The following PUDP variants were observed in gnomAD, a reference collection of about 807,000 sequenced individuals.
PUDP encodes pseudouridine 5'-phosphatase, also known as pseudouridine-5'-phosphatase.
A neutral mutation model predicts 9.4 loss-of-function variants in PUDP; 8 were observed. The observed-to-expected ratio is 0.85, with a 90% CI of 0.50 to 1.53. The LOEUF (loss-of-function observed/expected upper bound fraction) is 1.53. Ranked by LOEUF, PUDP falls within the 40% of genes most tolerant of loss-of-function variation. PUDP has a pLI of 0.00. For synonymous variants in PUDP, 99 were observed against 80.7 expected (o/e 1.23, Z -1.22); for missense variants, 188 against 189.7 (o/e 0.99, Z 0.05).
At chrX:6,706,887 TA>T (rs1231068393) in intron 1 of PUDP, among the ~76,000 whole-genome samples, 2 of 111,293 alleles carry the variant, frequency 1.8e-5, no homozygotes, top group Non-Finnish European at 3.8e-5. Context: ...TTACAGCCCC[TA>T]AAAAGTCCAA....
At chrX:7,075,235 G>A (rs1411117728) in intron 3 of PUDP, among the ~76,000 whole-genome samples, 1 of 112,305 alleles carries the variant, frequency 8.9e-6, no homozygotes, top group Non-Finnish European at 1.9e-5. Context: ...GTCTGGGCAC[G>A]GTGGCTCACG....
chrX:7,128,911 T>A (rs1932550599), intron 1 of PUDP, among the ~76,000 whole-genome samples: 1 of 111,710 alleles, frequency 9.0e-6, no homozygotes, highest in Non-Finnish European at 1.9e-5. Flanking sequence ...GAATTCGTAT[T>A]TTTTATATGA....
At chrX:7,014,919 C>T (rs1929526696) in intron 1 of PUDP, among the ~76,000 whole-genome samples, 1 of 111,799 alleles carries the variant, frequency 8.9e-6, no homozygotes, top group Admixed American at 9.4e-5. Context: ...ACTAACATCA[C>T]TTTTTAATAG....
rs1931860442 is a variant in PUDP at position 7,105,715 on chromosome X, A to G, written c.185T>C (p.Ile62Thr). 8.3e-7 allele frequency: 1 copy of G among 1,209,483 alleles called. No homozygotes were observed. The highest frequency in any genetic ancestry group is 1.7e-5 in the African/African-American group (1 of 57,761). Residue 62 changes from isoleucine to threonine, a missense_variant, in exon 2 of 4, where the codon ATA becomes ACA. Physicochemically the swap from Ile to Thr is moderately conservative, Grantham distance 89. Coordinates refer to ENST00000381077, the MANE Select transcript of PUDP (RefSeq NM_012080.5). The stretch of plus-strand genomic sequence containing the variant: ...GGACATCGGGAGCTGCAAGACGTCT[A>G]TTATAATCTGTGCCGCCTCTAATGC... ...KKALEAAQII[I>T]DVLQLPMSKE... is the part of the protein sequence containing the mutation.
intron 3 of PUDP, among the ~76,000 whole-genome samples, chrX:6,964,653 G>A (rs889319247): frequency 5.4e-5 from 6 of 110,627 alleles, no homozygotes; most frequent in Non-Finnish European, 1.1e-4. Flanking sequence ...CAGCCTGGGC[G>A]ACAAAGCAAG....
At chrX:7,058,796 T>G (rs1930318734) in intron 3 of PUDP, among the ~76,000 whole-genome samples, 1 of 111,885 alleles carries the variant, frequency 8.9e-6, no homozygotes, top group Non-Finnish European at 1.9e-5. Flanking sequence ...CATCAATCCA[T>G]CCATCTGTCC....
At chrX:6,904,442 G>C (rs1927738823) in intron 3 of PUDP, among the ~76,000 whole-genome samples, 1 of 110,955 alleles carries the variant, frequency 9.0e-6, no homozygotes, top group South Asian at 3.8e-4. Context: ...ACAAACAAGA[G>C]TTATCCATCC....
At chrX:6,974,406 G>A (rs910750983) in intron 3 of PUDP, among the ~76,000 whole-genome samples, 1 of 111,978 alleles carries the variant, frequency 8.9e-6, no homozygotes, top group Non-Finnish European at 1.9e-5. Flanking sequence ...GGCAGGCCTG[G>A]TGGTGACAAA....
intron 1 of PUDP, among the ~76,000 whole-genome samples, chrX:6,708,995 G>A (rs1366502102): frequency 8.9e-6 from 1 of 112,215 alleles, no homozygotes; most frequent in Non-Finnish European, 1.9e-5. Flanking sequence ...ACACTTCTAA[G>A]CAAGACAGTG....
chrX:6,778,118 G>T lies in PUDP; in HGVS notation c.*248-71652C>A, dbSNP rs1234810224. Among the ~76,000 whole-genome samples the T allele has an allele frequency of 2.7e-5, 3 of 112,029 alleles. No individual in the cohort carries two copies. In the Admixed American group the frequency reaches 2.8e-4, roughly 11 times the overall value. On this transcript the variant is annotated intron_variant and NMD_transcript_variant, in intron 3 of 3. Coordinates refer to the PUDP transcript ENST00000655425. The stretch of plus-strand genomic sequence containing the variant: ...ATGTTTTAATGAGGGAAAATGAGAA[G>T]GGGGCTGTGGAAACAGCTCGACAGA...
intron 3 of PUDP, among the ~76,000 whole-genome samples, chrX:6,820,165 C>A (rs768989489): frequency 4.2e-4 from 46 of 109,671 alleles, no homozygotes; most frequent in Non-Finnish European, 8.2e-4. Context: ...CTGATAAACC[C>A]AATAGATCTC....
intron 3 of PUDP, among the ~76,000 whole-genome samples, chrX:6,768,561 G>A (rs1328228111): frequency 9.0e-6 from 1 of 111,358 alleles, no homozygotes; most frequent in Non-Finnish European, 1.9e-5. Flanking sequence ...GATGTTGGCT[G>A]TTATTATCTA....
chrX:7,027,573 TATATAGAGAGA>T (rs1374143163), intron 1 of PUDP, among the ~76,000 whole-genome samples: 1 of 101,660 alleles, frequency 9.8e-6, no homozygotes, highest in Non-Finnish European at 2.0e-5. Flanking sequence ...ATATATGAGA[TATATAGAGAGA>T]ATATAGAGAG....
At chrX:6,890,511 C>T (rs1038125328) in intron 3 of PUDP, among the ~76,000 whole-genome samples, 3 of 111,677 alleles carry the variant, frequency 2.7e-5, no homozygotes, top group East Asian at 2.8e-4. Flanking sequence ...TAAGGAGACA[C>T]TTTGCCTTCT....
intron 3 of PUDP, among the ~76,000 whole-genome samples, chrX:6,887,098 TAATA>T (rs1206777351): frequency 2.8e-4 from 28 of 99,334 alleles, no homozygotes; most frequent in Middle Eastern, 0.01. Context: ...AAATTATATA[TAATA>T]TATAATATAT....
intron 3 of PUDP, among the ~76,000 whole-genome samples, chrX:7,073,849 G>C (rs775685241): frequency 7.3e-4 from 83 of 113,026 alleles, no homozygotes; most frequent in South Asian, 5.0e-3. Context: ...CTTTCTAAAA[G>C]CTAAATGACT....
intron 3 of PUDP, among the ~76,000 whole-genome samples, chrX:6,822,496 G>A (rs1347064668): frequency 3.6e-5 from 4 of 111,691 alleles, no homozygotes; most frequent in African/African-American, 6.5e-5. Flanking sequence ...GCGCGATTTC[G>A]GCTCACTGCA....
chrX:7,032,208 C>T (rs1014529951), intron 1 of PUDP, among the ~76,000 whole-genome samples: 2 of 111,991 alleles, frequency 1.8e-5, no homozygotes, highest in Non-Finnish European at 3.8e-5. Flanking sequence ...GATACTCATA[C>T]CCATTAGAAT....
intron 2 of PUDP, among the ~76,000 whole-genome samples, chrX:7,078,769 A>T (rs771441547): frequency 9.8e-5 from 11 of 112,146 alleles, no homozygotes; most frequent in African/African-American, 3.6e-4. Flanking sequence ...AAAGATTTTT[A>T]AAAGGAAGGC....
Sources: allele counts gnomAD v4.1 joint callset (sites outside exome capture counted in the v4.1 genomes callset), GRCh38; gene constraint gnomAD v4.1.1; transcripts MANE v1.5; gene names NCBI Gene and HGNC (gene_info 2026-07-23, HGNC 2026-07-21).